CACNB4: variants seen among roughly 807,000 people sequenced by gnomAD.
The protein encoded by CACNB4 is calcium voltage-gated channel auxiliary subunit beta 4.
In CACNB4, 32 loss-of-function variants were observed where a neutral mutation model predicts 71.2. The observed-to-expected ratio is 0.45, with a 90% CI of 0.34 to 0.60. The LOEUF is 0.60. Ranked by LOEUF, CACNB4 falls within the 20% of genes least tolerant of loss-of-function variation. The probability of loss-of-function intolerance (pLI) is 0.01; values close to 1 mark genes in which losing one functional copy is unlikely to be tolerated. For missense variants in CACNB4, 464 were observed against 647.9 expected, an observed-to-expected ratio of 0.72 and a Z score of 3.08; for synonymous variants, 231 against 236.9, an observed-to-expected ratio of 0.97 and a Z score of 0.23.
intron 2 of CACNB4, among the ~76,000 whole-genome samples, chr2:152,075,367 C>T (rs1686952213): frequency 1.3e-5 from 2 of 152,252 alleles, no homozygotes; most frequent in Admixed American, 1.3e-4. Context: ...GACCTGTAAA[C>T]ATATCACTGC....
rs1684859206 is a variant in CACNB4 at position 152,041,253 on chromosome 2, CT to C, written c.147+57076del. Reference sequence around the variant, plus strand: ...CTTTATTCCCCTTTGGAACTTTTCACTGCAGAATCCTTTGTGTATAGAGAGA... The same window carrying C: ...CTTTATTCCCCTTTGGAACTTTTCACGCAGAATCCTTTGTGTATAGAGAGA... On this transcript the variant is annotated intron_variant, in intron 2 of 13. Coordinates refer to ENST00000539935, the MANE Select transcript of CACNB4 (RefSeq NM_000726.5). Among the ~76,000 whole-genome samples the C allele has an allele frequency of 1.3e-5, 2 of 152,216 alleles. 1 individual carries two copies. The highest frequency in any genetic ancestry group is 4.1e-4 in the South Asian group (2 of 4,830).
rs907101093 is a variant in CACNB4, at chr2:152,006,762, C to T, written c.147+91568G>A. On this transcript the variant is annotated intron_variant, in intron 2 of 13. Coordinates refer to ENST00000539935, the MANE Select transcript of CACNB4 (RefSeq NM_000726.5). ...CCCTGGTAGTCACGTTTCATTCATA[C>T]GAACCCTACATACCAACCATCGTCA... is the stretch of plus-strand genomic sequence containing the variant. Among the ~76,000 whole-genome samples, 17 of 152,262 alleles carry T rather than the reference C, an allele frequency of 1.1e-4. 1 individual carries two copies. The highest frequency in any genetic ancestry group is 9.8e-4 in the Admixed American group (15 of 15,290).
intron 2 of CACNB4, among the ~76,000 whole-genome samples, chr2:151,997,937 T>C (rs1682158050): frequency 6.6e-6 from 1 of 152,238 alleles, no homozygotes; most frequent in South Asian, 2.1e-4. Flanking sequence ...TATTTCTCAA[T>C]GTTTTTCAGC....
intron 2 of CACNB4, among the ~76,000 whole-genome samples, chr2:152,081,690 T>C (rs777636044): frequency 2.0e-5 from 3 of 151,860 alleles, no homozygotes; most frequent in Non-Finnish European, 1.5e-5. Flanking sequence ...CCTAATTACC[T>C]CCCAAAGGCC....
intron 2 of CACNB4, among the ~76,000 whole-genome samples, chr2:151,984,637 A>G (rs1681234411): frequency 6.6e-6 from 1 of 152,152 alleles, no homozygotes; most frequent in Non-Finnish European, 1.5e-5. Context: ...GCTTCCTTTC[A>G]CATTCAGCCT....
At chr2:152,035,421 A>G (rs1209105411) in intron 2 of CACNB4, among the ~76,000 whole-genome samples, 1 of 152,144 alleles carries the variant, frequency 6.6e-6, no homozygotes, top group Non-Finnish European at 1.5e-5. Context: ...TTAGCCAGAC[A>G]TGGTGGCACA....
intron 2 of CACNB4, among the ~76,000 whole-genome samples, chr2:152,048,007 C>T (rs1685223750): frequency 6.6e-6 from 1 of 152,234 alleles, no homozygotes; most frequent in South Asian, 2.1e-4. Context: ...GCCACAAACG[C>T]CTAACTTTCT....
intron 9 of CACNB4, among the ~76,000 whole-genome samples, chr2:151,863,994 T>C (rs750632157): frequency 2.0e-5 from 3 of 152,230 alleles, no homozygotes; most frequent in Non-Finnish European, 4.4e-5. Context: ...CAAAATTCTT[T>C]TTTATAAAAG....
At chr2:152,053,522 ATTT>A (rs200394309) in intron 2 of CACNB4, among the ~76,000 whole-genome samples, 18 of 137,902 alleles carry the variant, frequency 1.3e-4, no homozygotes, top group Admixed American at 1.5e-4. Context: ...TGCTCTAGGA[ATTT>A]TTTTTTTTTT....
At chr2:151,987,036 T>A (rs1347331606) in intron 2 of CACNB4, among the ~76,000 whole-genome samples, 2 of 152,176 alleles carry the variant, frequency 1.3e-5, no homozygotes, top group Non-Finnish European at 2.9e-5. Context: ...TTGGGTCAAA[T>A]GCAAAGAGGA....
At chr2:152,065,390 A>T (rs1686257095) in intron 2 of CACNB4, among the ~76,000 whole-genome samples, 1 of 150,958 alleles carries the variant, frequency 6.6e-6, no homozygotes, top group Non-Finnish European at 1.5e-5. Context: ...CTCAAAAGAA[A>T]AAAAAAAAAA....
intron 8 of CACNB4, chr2:151,870,281 C>A (rs1559899128): frequency 1.4e-6 from 1 of 703,102 alleles, no homozygotes; most frequent in Non-Finnish European, 2.6e-6. Context: ...TTGACCAGAT[C>A]TTCCCATTGT....
chr2:152,029,225 T>A (rs2105174668), intron 2 of CACNB4, among the ~76,000 whole-genome samples: 1 of 152,060 alleles, frequency 6.6e-6, no homozygotes, highest in African/African-American at 2.4e-5. Context: ...CTAGGCGTGG[T>A]GGCTCACGCC....
At chr2:152,073,862 A>C (rs1473579584) in intron 2 of CACNB4, among the ~76,000 whole-genome samples, 1 of 152,148 alleles carries the variant, frequency 6.6e-6, no homozygotes, top group East Asian at 1.9e-4. Flanking sequence ...GGCCTCATCT[A>C]ATGAGGAAAT....
intron 5 of CACNB4, among the ~76,000 whole-genome samples, chr2:151,875,966 C>T (rs1455824790): frequency 6.3e-5 from 8 of 126,076 alleles, no homozygotes; most frequent in Middle Eastern, 5.9e-3. Context: ...GCTGGCCGGG[C>T]GGGGGGCTGA....
chr2:151,870,902 T>C (rs2099844453), intron 6 of CACNB4, 41 bp from the exon 7 acceptor site: 1 of 1,489,796 alleles, frequency 6.7e-7, no homozygotes, highest in Non-Finnish European at 9.3e-7. Context: ...ATATGTAAAC[T>C]CTGCAAATGA....
chr2:151,861,481 T>TTGAAAGTAATGTGAGTA, intron 9 of CACNB4: 1 of 152,154 alleles, frequency 6.6e-6, no homozygotes, highest in Admixed American at 6.5e-5. Context: ...GGCACTCTAG[T>TTGAAAGTAATGTGAGTA]TGAAAGTAAT....
chr2:151,934,857 T>C (rs16830470), intron 2 of CACNB4, among the ~76,000 whole-genome samples: 18,328 of 152,178 alleles, frequency 0.12, 3,628 homozygotes, highest in African/African-American at 0.42. Context: ...AAAATCCTTA[T>C]TTACCATTTC....
chr2:151,833,537 T>A lies in CACNB4; in HGVS notation c.*5582A>T, dbSNP rs2099834251. 6.6e-6 allele frequency: 1 copy of A among 152,192 alleles called. No individual in the cohort carries two copies. The highest frequency in any genetic ancestry group is 6.5e-5 in the Admixed American group (1 of 15,280). 9.4% of individuals were successfully genotyped at this position (152,192 alleles called of 1,614,324 possible). ...AGAGGAGAAAATATGGTATGAGTGT[T>A]ATCACAAAATAAAATTTAATAAATT... is the stretch of plus-strand genomic sequence containing the variant. On this transcript the variant is annotated 3_prime_UTR_variant, in exon 14 of 14. Coordinates refer to ENST00000539935, the MANE Select transcript of CACNB4 (RefSeq NM_000726.5).
Sources: allele counts gnomAD v4.1 joint callset (sites outside exome capture counted in the v4.1 genomes callset), GRCh38; gene constraint gnomAD v4.1.1; transcripts MANE v1.5; gene names NCBI Gene and HGNC (gene_info 2026-07-23, HGNC 2026-07-21).